VSTM2A: variants seen among roughly 807,000 people sequenced by gnomAD.
The protein encoded by VSTM2A is V-set and transmembrane domain-containing protein 2A.
VSTM2A carries 13 observed loss-of-function variants against 27.3 expected under a neutral mutation model. That is an observed-to-expected ratio of 0.48 (90% CI 0.31 to 0.76). VSTM2A has a LOEUF of 0.76. Among genes scored for constraint, VSTM2A ranks in the 30% least tolerant of loss-of-function variants. The pLI, the probability that VSTM2A is intolerant of heterozygous loss-of-function variation, is 0.05. For synonymous variants in VSTM2A, 142 were observed against 125.7 expected, an observed-to-expected ratio of 1.13 and a Z score of -0.87; for missense variants, 280 against 310.0, an observed-to-expected ratio of 0.90 and a Z score of 0.73.
At chr7:54,546,895 G>T in intron 2 of VSTM2A, 52 bp from the exon 3 acceptor site, 1 of 1,591,622 alleles carries the variant, frequency 6.3e-7, no homozygotes, top group Non-Finnish European at 8.5e-7. Context: ...GCGTGGGAGC[G>T]GGTGGTCGGG....
intron 4 of VSTM2A, among the ~76,000 whole-genome samples, chr7:54,553,620 G>A (rs573645020): frequency 2.6e-5 from 4 of 152,260 alleles, no homozygotes; most frequent in Admixed American, 6.5e-5. Context: ...GTCAGGGAGG[G>A]CAACCTGGAA....
rs778704167 is a variant in VSTM2A, at chr7:54,544,764, C to A, written c.222C>A (p.Pro74=). The part of the protein sequence containing the change: ...WFLRGPEDLD[P]GAEGAGAQVE... Reference sequence around the variant, plus strand: ...TGCGGGGGCCGGAGGACCTGGATCCCGGGGCCGAGGGGGCCGGCGCGCAGG... The same window carrying A: ...TGCGGGGGCCGGAGGACCTGGATCCAGGGGCCGAGGGGGCCGGCGCGCAGG... Residue 74 remains proline (P), a synonymous_variant, in exon 2 of 5, where the codon CCC becomes CCA. Coordinates refer to ENST00000402613, the MANE Select transcript of VSTM2A (RefSeq NM_001301009.2). The A allele has an allele frequency of 1.2e-6, 2 of 1,611,044 alleles. No individual in the cohort carries two copies. Among genetic ancestry groups the A allele is most frequent in the South Asian group, 2.2e-5 (2 of 90,952 alleles).
rs1788874597 is a variant in VSTM2A, at chr7:54,570,932, A to G, written c.*1713A>G. On this transcript the variant is annotated 3_prime_UTR_variant, in exon 5 of 5. Coordinates refer to ENST00000402613, the MANE Select transcript of VSTM2A (RefSeq NM_001301009.2). ...TTCTTTGATTCAGTTATAAGCAAGTATATATTTTCATAATATTCTTGACAT... is the reference window on the plus strand; with the variant it reads ...TTCTTTGATTCAGTTATAAGCAAGTGTATATTTTCATAATATTCTTGACAT... 1 of 152,190 alleles carries G rather than the reference A, an allele frequency of 6.6e-6. No individual in the cohort carries two copies. Among genetic ancestry groups the G allele is most frequent in the Non-Finnish European group, 1.5e-5 (1 of 68,014 alleles). The allele number at this position is 152,190 out of a possible 1,614,324, so 9.4% of individuals were successfully genotyped here. A position where few individuals can be genotyped will look rare whatever the true frequency, so the allele number is the denominator to read the frequency against.
At chr7:54,564,532 A>T (rs1048089287) in intron 4 of VSTM2A, among the ~76,000 whole-genome samples, 1 of 152,258 alleles carries the variant, frequency 6.6e-6, no homozygotes, top group Non-Finnish European at 1.5e-5. Context: ...TGGAGAACTT[A>T]TCAAATGTAC....
chr7:54,550,690 G>A (rs1028944197), intron 4 of VSTM2A: 1 of 158,128 alleles, frequency 6.3e-6, no homozygotes, highest in African/African-American at 2.4e-5. Context: ...AAGGATGGAG[G>A]GGGGATTGAA....
At position 54,569,826 on chromosome 7, in the gene VSTM2A, G is replaced by T. The variant is rs1189299191; in HGVS notation, c.*607G>T. 1 of 152,110 alleles carries T rather than the reference G, an allele frequency of 6.6e-6. No homozygotes were observed. Among genetic ancestry groups the T allele is most frequent in the African/African-American group, 2.4e-5 (1 of 41,386 alleles). The allele number at this position is 152,110 out of a possible 1,614,324, so 9.4% of individuals were successfully genotyped here. ...TTGCAATTCCTGTGTATGCAAACCTGATAAATTCTGTAAATTGCTTATAGT... is the reference window on the plus strand; with the variant it reads ...TTGCAATTCCTGTGTATGCAAACCTTATAAATTCTGTAAATTGCTTATAGT... On this transcript the variant is annotated 3_prime_UTR_variant, in exon 5 of 5. Transcript: ENST00000402613.
In VSTM2A at chr7:54,544,822, C is replaced by A. The variant is rs777581929; in HGVS notation, c.246+34C>A. The A allele has an allele frequency of 1.9e-6, 3 of 1,562,116 alleles. No homozygotes were observed. In the African/African-American group the frequency reaches 4.1e-5, roughly 21 times the overall value. ...GCCCGCCGACCCCGCGTCTCCCCTTCGCTCGCCCGGTCCTCAGGGTGTCCG... is the reference window on the plus strand; with the variant it reads ...GCCCGCCGACCCCGCGTCTCCCCTTAGCTCGCCCGGTCCTCAGGGTGTCCG... On this transcript the variant is annotated intron_variant, in intron 2 of 4. Coordinates refer to ENST00000402613, the MANE Select transcript of VSTM2A (RefSeq NM_001301009.2).
chr7:54,570,354 C>G lies in VSTM2A; in HGVS notation c.*1135C>G, dbSNP rs1209438283. The G allele has an allele frequency of 2.6e-5, 4 of 152,116 alleles. No homozygotes were observed. The allele number at this position is 152,116 out of a possible 1,614,324, so 9.4% of individuals were successfully genotyped here. A position where few individuals can be genotyped will look rare whatever the true frequency, so the allele number is the denominator to read the frequency against. The stretch of plus-strand genomic sequence containing the variant: ...GGAAGGTGAAGCACTCACCATAATT[C>G]CCTAAATTCATGTTAGAACATTTCT... On this transcript the variant is annotated 3_prime_UTR_variant, in exon 5 of 5. Coordinates refer to ENST00000402613, the MANE Select transcript of VSTM2A (RefSeq NM_001301009.2).
chr7:54,553,638 C>T (rs1788257074), intron 4 of VSTM2A, among the ~76,000 whole-genome samples: 1 of 152,098 alleles, frequency 6.6e-6, no homozygotes, highest in African/African-American at 2.4e-5. Context: ...GAAGAAGGGA[C>T]TTGGAGGATA....
At chr7:54,562,434 T>G (rs1788591569) in intron 4 of VSTM2A, among the ~76,000 whole-genome samples, 1 of 152,134 alleles carries the variant, frequency 6.6e-6, no homozygotes, top group Non-Finnish European at 1.5e-5. Context: ...CTGACAGTAT[T>G]GGTGATGGAG....
intron 1 of VSTM2A, 136 bp downstream of exon 1, chr7:54,542,945 G>C: frequency 1.2e-6 from 1 of 810,020 alleles, no homozygotes; most frequent in Non-Finnish European, 2.0e-6. Flanking sequence ...ATAGTGTTCT[G>C]TTTGACGATT....
intron 4 of VSTM2A, among the ~76,000 whole-genome samples, chr7:54,560,505 A>G (rs568044491): frequency 7.0e-4 from 107 of 152,096 alleles, no homozygotes; most frequent in Non-Finnish European, 1.3e-3. Context: ...TCCAAGGGAG[A>G]TGAAAGTGAG....
chr7:54,543,309 A>G (rs1787844945), intron 1 of VSTM2A, among the ~76,000 whole-genome samples: 6 of 152,286 alleles, frequency 3.9e-5, no homozygotes, highest in Middle Eastern at 6.8e-3. Context: ...CACAACTTGC[A>G]TGACAAGCAG....
At chr7:54,544,811 C>G in intron 2 of VSTM2A, 23 bp downstream of exon 2, 1 of 1,579,244 alleles carries the variant, frequency 6.3e-7, no homozygotes, top group Non-Finnish European at 8.6e-7. Flanking sequence ...GCCGACCCCG[C>G]GTCTCCCCTT....
intron 2 of VSTM2A, among the ~76,000 whole-genome samples, chr7:54,545,767 G>C (rs1465398031): frequency 9.6e-6 from 1 of 104,268 alleles, no homozygotes; most frequent in African/African-American, 3.9e-5. Context: ...CAGGGAGAGA[G>C]AAAGGAGAAG....
rs761935287 is a variant in VSTM2A, at chr7:54,549,951, G to C, written c.415G>C (p.Glu139Gln). The change falls in exon 4 of 5, where the codon GAA (glutamate) becomes CAA (glutamine). Residue 139 changes from glutamate (E) to glutamine (Q), a missense_variant. By Grantham distance (29) the Glu-to-Gln change is conservative. Transcript: ENST00000402613. ...VTDANYGELQ[E>Q]HKAQAYLKVN... Reference sequence around the variant, plus strand: ...TGATGCCAACTACGGGGAGCTTCAGGAACACAAGGCCCAGGCCTATCTGAA... The same window carrying C: ...TGATGCCAACTACGGGGAGCTTCAGCAACACAAGGCCCAGGCCTATCTGAA... The C allele has an allele frequency of 1.7e-5, 27 of 1,613,596 alleles. No individual in the cohort carries two copies. The highest frequency in any genetic ancestry group is 2.1e-5 in the Non-Finnish European group (25 of 1,179,794).
intron 4 of VSTM2A, chr7:54,557,178 G>A (rs1788390355): frequency 6.6e-6 from 1 of 152,234 alleles, no homozygotes. Context: ...TAAATGAGCA[G>A]GGACACACTC....
rs770082723 is a variant in VSTM2A at position 54,546,962 on chromosome 7, G to A, written c.262G>A (p.Asp88Asn). 2.5e-6 allele frequency: 4 copies of A among 1,596,296 alleles called. No individual in the cohort carries two copies. Among genetic ancestry groups the A allele is most frequent in the African/African-American group, 1.4e-5 (1 of 72,586 alleles). Residue 88 changes from aspartate (D) to asparagine (N), a missense_variant, in exon 3 of 5, where the codon GAC becomes AAC. Coordinates refer to ENST00000402613, the MANE Select transcript of VSTM2A (RefSeq NM_001301009.2). The part of the protein sequence containing the change: ...GAGAQVELLP[D>N]RDPDSDGTKI... ...TTGCCCGCAGGTGGAGCTCTTGCCC[G>A]ACAGAGACCCGGACAGCGACGGGAC...
chr7:54,570,379 T>C lies in VSTM2A; in HGVS notation c.*1160T>C, dbSNP rs1020682720. ...CCCTAAATTCATGTTAGAACATTTCTTGCTATGGTTAAAAATGCTGCTTCC... is the reference window on the plus strand; with the variant it reads ...CCCTAAATTCATGTTAGAACATTTCCTGCTATGGTTAAAAATGCTGCTTCC... On this transcript the variant is annotated 3_prime_UTR_variant, in exon 5 of 5. Coordinates refer to ENST00000402613, the MANE Select transcript of VSTM2A (RefSeq NM_001301009.2). The C allele has an allele frequency of 6.6e-6, 1 of 152,204 alleles. No homozygotes were observed. Among genetic ancestry groups the C allele is most frequent in the Non-Finnish European group, 1.5e-5 (1 of 68,026 alleles). 9.4% of individuals were successfully genotyped at this position (152,204 alleles called of 1,614,324 possible). A position where few individuals can be genotyped will look rare whatever the true frequency, so the allele number is the denominator to read the frequency against.
Sources: gnomAD v4.1 joint callset for allele counts (sites outside exome capture counted in the v4.1 genomes callset) on GRCh38, gnomAD v4.1.1 for gene constraint, MANE v1.5 for transcripts, NCBI Gene and HGNC (gene_info 2026-07-23, HGNC 2026-07-21) for gene names.